The following PLCB4 variants were observed in gnomAD, a reference collection of about 807,000 sequenced individuals.
The protein encoded by PLCB4 is phospholipase C beta 4.
PLCB4 carries 77 observed loss-of-function variants against 178.8 expected under a neutral mutation model. The observed-to-expected ratio is 0.43, with a 90% CI of 0.36 to 0.52. PLCB4 has a LOEUF of 0.52. PLCB4 is among the 20% of genes least tolerant of loss of function. The pLI is 0.00. For missense variants in PLCB4, 1,024 were observed against 1,453.4 expected (o/e 0.70, Z 4.80); for synonymous variants, 496 against 490.8 (o/e 1.01, Z -0.14).
At chr20:9,079,999 T>A (rs946430477) in intron 1 of PLCB4, among the ~76,000 whole-genome samples, 12 of 152,168 alleles carry the variant, frequency 7.9e-5, no homozygotes, top group Non-Finnish European at 1.3e-4. Flanking sequence ...ATTCCTAAGA[T>A]AGATATAATT....
chr20:9,292,456 C>T (rs1443272998), intron 3 of PLCB4, among the ~76,000 whole-genome samples: 3 of 152,084 alleles, frequency 2.0e-5, no homozygotes, highest in Non-Finnish European at 4.4e-5. Flanking sequence ...ACATCACGCA[C>T]CTCATGAGGA....
rs564114017 is a variant in PLCB4 at position 9,236,430 on chromosome 20, C to T, written c.-16+18978C>T. 3.4e-4 allele frequency among the ~76,000 whole-genome samples: 51 copies of T among 152,224 alleles called. No individual in the cohort carries two copies. In the Middle Eastern group the frequency reaches 0.014, roughly 41 times the overall value. Reference sequence around the variant, plus strand: ...GGACACAAGATCTTTTCAGGCTTTTCCTTTTGTGTGCGTGTGTTTTTTTGC... The same window carrying T: ...GGACACAAGATCTTTTCAGGCTTTTTCTTTTGTGTGCGTGTGTTTTTTTGC... On this transcript the variant is annotated intron_variant, in intron 3 of 39. Transcript: ENST00000378473.
chr20:9,396,035 G>A (rs963695554), intron 19 of PLCB4, among the ~76,000 whole-genome samples: 4 of 152,132 alleles, frequency 2.6e-5, no homozygotes, highest in Non-Finnish European at 5.9e-5. Flanking sequence ...ATATAATAAT[G>A]CCGTTTTAAT....
At chr20:9,382,181 G>T (rs1381797875) in intron 13 of PLCB4, among the ~76,000 whole-genome samples, 2 of 152,092 alleles carry the variant, frequency 1.3e-5, no homozygotes, top group Non-Finnish European at 2.9e-5. Context: ...TTCACATCAT[G>T]TCTGGTTCAT....
intron 3 of PLCB4, among the ~76,000 whole-genome samples, chr20:9,225,531 T>G (rs1440561506): frequency 6.6e-6 from 1 of 152,224 alleles, no homozygotes; most frequent in Non-Finnish European, 1.5e-5. Context: ...TTGTCACATA[T>G]TGCTTGTGAG....
intron 2 of PLCB4, among the ~76,000 whole-genome samples, chr20:9,115,465 A>G (rs890574040): frequency 3.3e-5 from 5 of 151,128 alleles, no homozygotes; most frequent in African/African-American, 1.2e-4. Context: ...TTTAGGGTAC[A>G]TGTGCACAAT....
At chr20:9,168,623 ACTTTGACTAGCGAGGAG>A (rs2093012323) in intron 2 of PLCB4, among the ~76,000 whole-genome samples, 1 of 152,152 alleles carries the variant, frequency 6.6e-6, no homozygotes. Context: ...CAGGGACCAC[ACTTTGACTAGCGAGGAG>A]CTACACCACC....
At chr20:9,193,831 G>A (rs2093434804) in intron 2 of PLCB4, among the ~76,000 whole-genome samples, 1 of 152,062 alleles carries the variant, frequency 6.6e-6, no homozygotes, top group South Asian at 2.1e-4. Flanking sequence ...TATTTGGTTG[G>A]TAATTTTCTT....
intron 4 of PLCB4, among the ~76,000 whole-genome samples, chr20:9,335,814 A>G (rs1201586013): frequency 6.6e-6 from 1 of 152,188 alleles, no homozygotes; most frequent in Non-Finnish European, 1.5e-5. Context: ...ATTCATGGCA[A>G]TGACAGCAGT....
intron 21 of PLCB4, among the ~76,000 whole-genome samples, chr20:9,407,076 AC>A (rs1487825634): frequency 6.6e-6 from 1 of 152,212 alleles, no homozygotes; most frequent in Non-Finnish European, 1.5e-5. Flanking sequence ...ACTATAAACC[AC>A]GTATGTATGT....
intron 12 of PLCB4, among the ~76,000 whole-genome samples, chr20:9,375,133 A>T (rs1368973881): frequency 1.3e-5 from 2 of 152,168 alleles, no homozygotes; most frequent in African/African-American, 4.8e-5. Context: ...AGTGAACTCA[A>T]CTGGAAGAAC....
chr20:9,396,302 AATTTAAG>A (rs1350548774), intron 19 of PLCB4, among the ~76,000 whole-genome samples: 3 of 152,204 alleles, frequency 2.0e-5, no homozygotes, highest in African/African-American at 7.2e-5. Context: ...AGAGGCAAAT[AATTTAAG>A]AGACCCTCAG....
chr20:9,449,932 A>G (rs1010900765), intron 32 of PLCB4, among the ~76,000 whole-genome samples: 1 of 152,184 alleles, frequency 6.6e-6, no homozygotes, highest in Admixed American at 6.5e-5. Flanking sequence ...TCAGAGTTAC[A>G]TGCTGAGCAA....
chr20:9,097,346 C>T (rs540066482), intron 2 of PLCB4, among the ~76,000 whole-genome samples: 4 of 148,888 alleles, frequency 2.7e-5, no homozygotes, highest in Non-Finnish European at 4.4e-5. Context: ...TAGAGCCATG[C>T]GTTCAGGGAG....
At chr20:9,363,823 C>T (rs1294626703) in intron 8 of PLCB4, among the ~76,000 whole-genome samples, 1 of 152,186 alleles carries the variant, frequency 6.6e-6, no homozygotes, top group African/African-American at 2.4e-5. Flanking sequence ...CAAAATTATG[C>T]CCCAGCACCA....
At chr20:9,258,422 A>G (rs2094259506) in intron 3 of PLCB4, among the ~76,000 whole-genome samples, 1 of 152,122 alleles carries the variant, frequency 6.6e-6, no homozygotes, top group Admixed American at 6.5e-5. Flanking sequence ...GTTGACCACA[A>G]AGATAATTTC....
chr20:9,131,154 T>C (rs1369308035), intron 2 of PLCB4, among the ~76,000 whole-genome samples: 1 of 152,126 alleles, frequency 6.6e-6, no homozygotes, highest in Non-Finnish European at 1.5e-5. Flanking sequence ...GAATGATCAG[T>C]TCTTTCTGTT....
intron 3 of PLCB4, among the ~76,000 whole-genome samples, chr20:9,307,219 A>C (rs2094778215): frequency 6.6e-6 from 1 of 152,204 alleles, no homozygotes; most frequent in Admixed American, 6.5e-5. Context: ...CAAAATCAGA[A>C]GTTCTCTTGT....
At position 9,380,110 on chromosome 20, in the gene PLCB4, G is replaced by T; in HGVS notation, c.801G>T (p.Arg267Ser). The T allele has an allele frequency of 3.1e-6, 5 of 1,597,776 alleles. No homozygotes were observed. Among genetic ancestry groups the T allele is most frequent in the South Asian group, 1.1e-5 (1 of 88,214 alleles). The change falls in exon 13 of 40, where the codon AGG becomes AGT. Residue 267 changes from arginine to serine, a missense_variant. This residue lies in a region of PLCB4 where 37 missense variants were observed against 28.6 expected (regional missense o/e 1.30). Coordinates refer to ENST00000378473, the MANE Select transcript of PLCB4 (RefSeq NM_001377142.1). ...EILFPFYDAK[R>S]AMQIIEMYEP... The stretch of plus-strand genomic sequence containing the variant: ...TATTTCCATTTTATGATGCCAAAAG[G>T]GCAATGCAGATCATTGAGATGTATG...
Sources: allele counts gnomAD v4.1 joint callset (sites outside exome capture counted in the v4.1 genomes callset), GRCh38; gene constraint gnomAD v4.1.1; regional missense constraint gnomAD v4.1.1; transcripts MANE v1.5; gene names NCBI Gene and HGNC (gene_info 2026-07-23, HGNC 2026-07-21).